RAD51B: variants seen among roughly 807,000 people sequenced by gnomAD.
The protein encoded by RAD51B is RAD51 paralog B.
Under a neutral mutation model 42.2 loss-of-function variants are expected in RAD51B, and 38 were observed. The ratio of observed to expected loss-of-function variants is 0.90; its 90% CI spans 0.70 to 1.18. RAD51B has a LOEUF of 1.18. Among genes scored for constraint, RAD51B ranks in the 50% most tolerant of loss-of-function variants. RAD51B has a pLI of 0.00. For missense variants in RAD51B, 373 were observed against 400.7 expected (o/e 0.93, Z 0.59); for synonymous variants, 154 against 145.2 (o/e 1.06, Z -0.43).
intron 10 of RAD51B, among the ~76,000 whole-genome samples, chr14:68,586,566 G>A (rs1044003376): frequency 2.6e-5 from 4 of 152,224 alleles, no homozygotes; most frequent in Non-Finnish European, 4.4e-5. Context: ...GTGAGAGCAG[G>A]TGAGTGGGCC....
At chr14:68,176,527 G>T (rs1303805811) in intron 7 of RAD51B, among the ~76,000 whole-genome samples, 2 of 152,168 alleles carry the variant, frequency 1.3e-5, no homozygotes, top group African/African-American at 4.8e-5. Context: ...ATCATCATTA[G>T]ATGATTTCTC....
rs568831472 is a variant in RAD51B at position 67,923,411 on chromosome 14, T to G, written c.756+36207T>G. Among the ~76,000 whole-genome samples the G allele has an allele frequency of 2.4e-4, 37 of 151,074 alleles. 1 individual carries two copies. The highest frequency in any genetic ancestry group is 9.0e-4 in the African/African-American group (37 of 41,058). ...GCCTCCCGGGTTCAAGGAATTCTCC[T>G]GCCTCAGCCTCCCAAGTAGCTGGGA... On this transcript the variant is annotated intron_variant, in intron 7 of 10. Transcript: ENST00000471583.
chr14:68,012,898 C>G (rs944517732), intron 7 of RAD51B, among the ~76,000 whole-genome samples: 4 of 152,138 alleles, frequency 2.6e-5, no homozygotes, highest in African/African-American at 4.8e-5. Context: ...TTTTAAAAAT[C>G]TTTTTGATTT....
intron 1 of RAD51B, among the ~76,000 whole-genome samples, 193 bp from the exon 2 acceptor site, chr14:67,823,349 C>T (rs1195263044): frequency 6.6e-6 from 1 of 152,150 alleles, no homozygotes; most frequent in Non-Finnish European, 1.5e-5. Flanking sequence ...ACAATTGTCC[C>T]TCCTATTTAA....
chr14:68,235,767 G>A (rs1206317526), intron 7 of RAD51B, among the ~76,000 whole-genome samples: 6 of 142,750 alleles, frequency 4.2e-5, no homozygotes, highest in African/African-American at 1.5e-4. Context: ...TGTGTTCATT[G>A]TAGCACTATT....
At chr14:68,571,153 C>A (rs536292571) in intron 10 of RAD51B, among the ~76,000 whole-genome samples, 3 of 152,268 alleles carry the variant, frequency 2.0e-5, no homozygotes, top group African/African-American at 7.2e-5. Context: ...GGGCAGGTGA[C>A]CCCGTGAGCT....
At chr14:68,420,834 C>T (rs2084680556) in intron 9 of RAD51B, among the ~76,000 whole-genome samples, 1 of 152,212 alleles carries the variant, frequency 6.6e-6, no homozygotes, top group African/African-American at 2.4e-5. Flanking sequence ...CTTATTTTTA[C>T]AGCTTGTTTT....
rs527873150 is a variant in RAD51B at position 68,224,626 on chromosome 14, A to C, written c.757-67258A>C. Among the ~76,000 whole-genome samples the C allele has an allele frequency of 3.3e-5, 5 of 152,340 alleles. 1 individual carries two copies. The highest frequency in any genetic ancestry group is 1.2e-4 in the African/African-American group (5 of 41,578). On this transcript the variant is annotated intron_variant, in intron 7 of 10. Coordinates refer to ENST00000471583, the MANE Select transcript of RAD51B (RefSeq NM_133510.4). ...TTAAGTTGATATTAACATATGGCTT[A>C]AGAAATTGCTAATTTTATAATACAG...
downstream of RAD51B, among the ~76,000 whole-genome samples, chr14:68,481,590 A>G (rs549627212): frequency 2.2e-4 from 34 of 152,138 alleles, no homozygotes; most frequent in African/African-American, 7.0e-4. Context: ...TACATACACA[A>G]TCTTCTCTAA....
intron 7 of RAD51B, among the ~76,000 whole-genome samples, chr14:68,070,660 A>G (rs2076726529): frequency 1.3e-5 from 2 of 152,172 alleles, no homozygotes; most frequent in Admixed American, 6.5e-5. Context: ...TAACAGTACC[A>G]TGCTGTTTTA....
intron 7 of RAD51B, among the ~76,000 whole-genome samples, chr14:68,167,966 G>T (rs1470029355): frequency 6.6e-6 from 1 of 152,086 alleles, no homozygotes; most frequent in Non-Finnish European, 1.5e-5. Context: ...AGGCAGATCT[G>T]TGAATTGCTT....
At chr14:68,365,422 C>G (rs935855888) in intron 8 of RAD51B, among the ~76,000 whole-genome samples, 2 of 152,234 alleles carry the variant, frequency 1.3e-5, no homozygotes, top group Non-Finnish European at 2.9e-5. Context: ...TCAGAGCTTA[C>G]ATGCGTAAAC....
chr14:68,410,800 G>A (rs2084395219), intron 8 of RAD51B, among the ~76,000 whole-genome samples: 1 of 152,188 alleles, frequency 6.6e-6, no homozygotes, highest in Admixed American at 6.5e-5. Context: ...TAGGAACTCA[G>A]ATAGAGTTTA....
At chr14:68,155,173 A>G (rs1252227702) in intron 7 of RAD51B, among the ~76,000 whole-genome samples, 2 of 151,726 alleles carry the variant, frequency 1.3e-5, no homozygotes, top group African/African-American at 4.8e-5. Context: ...CTGGGTTGGT[A>G]TCATAGTATA....
chr14:68,489,450 G>A (rs1286280437), intron 10 of RAD51B, among the ~76,000 whole-genome samples: 1 of 152,190 alleles, frequency 6.6e-6, no homozygotes, highest in East Asian at 1.9e-4. Context: ...AATGCCTGCT[G>A]CCTAGTAAGA....
chr14:67,954,732 G>C (rs777610221), intron 7 of RAD51B, among the ~76,000 whole-genome samples: 11 of 152,162 alleles, frequency 7.2e-5, no homozygotes, highest in Non-Finnish European at 1.3e-4. Context: ...AGGATCACTA[G>C]GGTCAAGGGA....
rs77359064 is a variant in RAD51B, at chr14:68,318,934, C to A, written c.853+26954C>A. On this transcript the variant is annotated intron_variant, in intron 8 of 10. Coordinates refer to ENST00000471583, the MANE Select transcript of RAD51B (RefSeq NM_133510.4). Reference sequence around the variant, plus strand: ...AAAAAGCAAGGGGTCAGTACTCTTACAAGTATCATGTCTTAAACGTCAGCC... The same window carrying A: ...AAAAAGCAAGGGGTCAGTACTCTTAAAAGTATCATGTCTTAAACGTCAGCC... Among the ~76,000 whole-genome samples the A allele has an allele frequency of 5.1e-3, 773 of 152,246 alleles. 6 individuals carry two copies. Among genetic ancestry groups the A allele is most frequent in the African/African-American group, 0.017 (707 of 41,560 alleles).
chr14:68,442,195 G>C (rs151193064), intron 9 of RAD51B, among the ~76,000 whole-genome samples: 1 of 152,104 alleles, frequency 6.6e-6, no homozygotes, highest in Non-Finnish European at 1.5e-5. Flanking sequence ...TTTACTCTGC[G>C]TCCAGTCTGC....
At chr14:68,608,984 T>C (rs1002555716) in intron 10 of RAD51B, among the ~76,000 whole-genome samples, 1 of 152,234 alleles carries the variant, frequency 6.6e-6, no homozygotes, top group South Asian at 2.1e-4. Context: ...CCTGGCTCCC[T>C]CAGACACCTC....
Sources: allele counts gnomAD v4.1 joint callset (sites outside exome capture counted in the v4.1 genomes callset), GRCh38; gene constraint gnomAD v4.1.1; transcripts MANE v1.5; gene names NCBI Gene and HGNC (gene_info 2026-07-23, HGNC 2026-07-21).